The following HEPH variants were observed in gnomAD, a reference collection of about 807,000 sequenced individuals.
HEPH encodes the protein hephaestin.
A neutral mutation model predicts 80.8 loss-of-function variants in HEPH; 69 were observed. The ratio of observed to expected loss-of-function variants is 0.85; its 90% CI spans 0.70 to 1.04. HEPH has a LOEUF of 1.04. Among genes scored for constraint, HEPH ranks in the 50% least tolerant of loss-of-function variants. The probability of loss-of-function intolerance (pLI) is 0.00; values close to 1 mark genes in which losing one functional copy is unlikely to be tolerated. For missense variants in HEPH, 1,115 were observed against 891.3 expected (o/e 1.25, Z -3.20); for synonymous variants, 431 against 322.8 (o/e 1.34, Z -3.60).
At chrX:66,170,347 C>T (rs1458934441) in intron 1 of HEPH, 15 of 369,557 alleles carry the variant, frequency 4.1e-5, no homozygotes, top group East Asian at 1.7e-4. Flanking sequence ...ATTAGCAGCA[C>T]GGGTGACTTT....
intron 2 of HEPH, among the ~76,000 whole-genome samples, chrX:66,171,891 GAAGTT>G (rs749997578): frequency 1.9e-4 from 21 of 111,778 alleles, no homozygotes; most frequent in Non-Finnish European, 3.8e-5. Context: ...TGTGTTCAGA[GAAGTT>G]AAGTAACTTG....
intron 15 of HEPH, among the ~76,000 whole-genome samples, chrX:66,225,631 A>C (rs1367979718): frequency 8.9e-6 from 1 of 112,454 alleles, no homozygotes; most frequent in Non-Finnish European, 1.9e-5. Flanking sequence ...CAGCCACTGC[A>C]TTGATCCTCC....
At chrX:66,261,980 A>G (rs1269098635) in intron 19 of HEPH, among the ~76,000 whole-genome samples, 3 of 112,480 alleles carry the variant, frequency 2.7e-5, no homozygotes, top group Non-Finnish European at 3.8e-5. Context: ...TATCCCAAAT[A>G]TGAACCATCC....
chrX:66,263,218 G>T (rs1434789204), intron 19 of HEPH, among the ~76,000 whole-genome samples: 3 of 111,826 alleles, frequency 2.7e-5, no homozygotes, highest in East Asian at 5.6e-4. Context: ...ATGAAGTATG[G>T]TCCTCAGAGA....
chrX:66,232,381 A>G (rs899287997), intron 15 of HEPH, among the ~76,000 whole-genome samples: 2 of 112,014 alleles, frequency 1.8e-5, no homozygotes, highest in African/African-American at 3.2e-5. Context: ...TGCAGAAGGC[A>G]TACAGCTTCT....
intron 15 of HEPH, among the ~76,000 whole-genome samples, chrX:66,211,789 A>G (rs1484878695): frequency 8.9e-6 from 1 of 112,014 alleles, no homozygotes. Flanking sequence ...GAATAGTGCT[A>G]CAAGAAATAT....
intron 20 of HEPH, 22 bp from the exon 21 acceptor site, chrX:66,266,418 A>AT (rs376891573): frequency 0.011 from 10,006 of 922,352 alleles, 4 homozygotes; most frequent in African/African-American, 0.016. Flanking sequence ...CAGGATGCCC[A>AT]TTTTTTTTTT....
chrX:66,233,353 G>C (rs1051831044), intron 15 of HEPH, among the ~76,000 whole-genome samples: 4 of 111,532 alleles, frequency 3.6e-5, no homozygotes, highest in African/African-American at 1.3e-4. Flanking sequence ...CCAGAGAGCA[G>C]TTGTCATATT....
intron 15 of HEPH, among the ~76,000 whole-genome samples, chrX:66,245,251 C>T (rs2090758183): frequency 9.0e-6 from 1 of 110,941 alleles, no homozygotes. Context: ...TGTGCAGAGA[C>T]ACACATAGGC....
chrX:66,261,522 T>C (rs1240262912), intron 19 of HEPH, among the ~76,000 whole-genome samples: 1 of 96,671 alleles, frequency 1.0e-5, no homozygotes, highest in Non-Finnish European at 2.1e-5. Context: ...TTGGGACCCA[T>C]ACAAATCAAG....
intron 15 of HEPH, among the ~76,000 whole-genome samples, chrX:66,236,759 G>A (rs1201917517): frequency 9.0e-6 from 1 of 110,906 alleles, no homozygotes; most frequent in Non-Finnish European, 1.9e-5. Flanking sequence ...TTTTTATGGA[G>A]GATGTGGCTG....
At chrX:66,268,242 T>G (rs967895656), downstream of HEPH, 1 of 112,301 alleles carries the variant, frequency 8.9e-6, no homozygotes, top group African/African-American at 3.2e-5. Flanking sequence ...ATTCCAACTT[T>G]TCTGTCTGTC....
chrX:66,190,744 G>C (rs1462631053), intron 6 of HEPH, among the ~76,000 whole-genome samples: 2 of 111,786 alleles, frequency 1.8e-5, no homozygotes, highest in African/African-American at 6.5e-5. Context: ...TAGGTTAGGA[G>C]TTGTAGACTA....
At chrX:66,267,672 G>T (rs1414385441), downstream of HEPH, 1 of 111,728 alleles carries the variant, frequency 9.0e-6, no homozygotes. Context: ...AACCTGTCCA[G>T]TGGGCCAGGG....
In HEPH at chrX:66,199,027, T is replaced by C. The variant is rs752672599; in HGVS notation, c.1863T>C (p.His621=). 5.0e-6 allele frequency: 6 copies of C among 1,208,441 alleles called. No homozygotes were observed. The South Asian group carries it at 8.8e-5, about 18-fold the overall frequency. ...GCTTCCAAGACTCCAATCGGATGCA[T>C]GGTATGGGGAGTACTTTTGCCCTGG... is the stretch of plus-strand genomic sequence containing the variant. ...IEGFQDSNRM[H]AINGFLFSNL... is the part of the protein sequence containing the mutation. Residue 621 remains histidine (H), a splice_region_variant and synonymous_variant, in exon 11 of 21, where the codon CAT becomes CAC. Transcript: ENST00000343002.
At chrX:66,173,126 T>A (rs977325823) in intron 3 of HEPH, among the ~76,000 whole-genome samples, 22 of 112,395 alleles carry the variant, frequency 2.0e-4, no homozygotes, top group African/African-American at 5.8e-4. Flanking sequence ...AATCCCTGTA[T>A]GATCCTGGAC....
chrX:66,198,823 C>T (rs753156912), intron 10 of HEPH, 55 bp from the exon 11 acceptor site: 1 of 966,958 alleles, frequency 1.0e-6, no homozygotes, highest in Non-Finnish European at 1.5e-6. Context: ...ACACAGTCTA[C>T]AACTGCTGAA....
upstream of HEPH, chrX:66,162,966 C>T (rs747203434): frequency 2.2e-5 from 19 of 864,188 alleles, no homozygotes; most frequent in Non-Finnish European, 3.0e-5. Context: ...TTTAGAGAGG[C>T]ATAGTATTCT....
At chrX:66,248,151 T>C (rs925494578) in intron 15 of HEPH, among the ~76,000 whole-genome samples, 1 of 111,619 alleles carries the variant, frequency 9.0e-6, no homozygotes, top group African/African-American at 3.3e-5. Flanking sequence ...TCTCTCCCTC[T>C]TTGCTAGATC....
Sources: allele counts gnomAD v4.1 joint callset (sites outside exome capture counted in the v4.1 genomes callset), GRCh38; gene constraint gnomAD v4.1.1; transcripts MANE v1.5; gene names NCBI Gene and HGNC (gene_info 2026-07-23, HGNC 2026-07-21).